Variants in LINGO2 observed in about 807,000 individuals in gnomAD.
LINGO2 encodes leucine-rich repeat and immunoglobulin-like domain-containing nogo receptor-interacting protein 2.
In LINGO2, 14 loss-of-function variants were observed where a neutral mutation model predicts 30.6. The observed-to-expected ratio is 0.46, with a 90% CI of 0.30 to 0.72. The LOEUF is 0.72. Among genes scored for constraint, LINGO2 ranks in the 30% least tolerant of loss-of-function variants. The pLI is 0.07. For synonymous variants in LINGO2, 317 were observed against 288.5 expected (o/e 1.10, Z -1.00); for missense variants, 729 against 751.7 (o/e 0.97, Z 0.35).
chr9:28,172,961 A>G (rs1445593655), intron 4 of LINGO2, among the ~76,000 whole-genome samples: 1 of 152,180 alleles, frequency 6.6e-6, no homozygotes, highest in African/African-American at 2.4e-5. Context: ...CAGTATATGT[A>G]ATTACAAACT....
the LINGO2 span, among the ~76,000 whole-genome samples, chr9:29,014,551 T>C: frequency 1.3e-5 from 2 of 152,168 alleles, no homozygotes; most frequent in Non-Finnish European, 2.9e-5. Flanking sequence ...TAAAGGGCCA[T>C]ATTTTTACAA....
At chr9:28,690,231 T>A in the LINGO2 span, among the ~76,000 whole-genome samples, 10,556 of 151,826 alleles carry the variant, frequency 0.07, 519 homozygotes, top group Admixed American at 0.19. Context: ...GAAGTTAAAA[T>A]AAAAGTTGGA....
the LINGO2 span, among the ~76,000 whole-genome samples, chr9:28,742,163 C>T: frequency 6.6e-6 from 1 of 151,906 alleles, no homozygotes; most frequent in East Asian, 1.9e-4. Flanking sequence ...CTAATGCTCA[C>T]TTATCTCTCC....
intron 2 of LINGO2, among the ~76,000 whole-genome samples, chr9:28,444,039 A>G (rs957928403): frequency 1.3e-4 from 20 of 152,078 alleles, no homozygotes; most frequent in Admixed American, 5.9e-4. Flanking sequence ...CCAGACTCAG[A>G]CTGCCTGTGG....
chr9:28,312,155 C>CTTTCTTT (rs1554703781), intron 3 of LINGO2, among the ~76,000 whole-genome samples: 1 of 143,262 alleles, frequency 7.0e-6, no homozygotes, highest in Non-Finnish European at 1.5e-5. Flanking sequence ...TTTCTTTTTT[C>CTTTCTTT]TTTTTTTTGT....
chr9:28,647,281 C>G (rs1220982653), intron 1 of LINGO2, among the ~76,000 whole-genome samples: 1 of 152,046 alleles, frequency 6.6e-6, no homozygotes, highest in East Asian at 1.9e-4. Context: ...CCCATAATAA[C>G]TTATTATGAC....
intron 1 of LINGO2, among the ~76,000 whole-genome samples, chr9:28,584,438 T>G (rs1054236332): frequency 2.6e-5 from 4 of 152,036 alleles, no homozygotes; most frequent in Non-Finnish European, 4.4e-5. Context: ...GAGCAAAACC[T>G]AATTATTTCA....
intron 4 of LINGO2, among the ~76,000 whole-genome samples, chr9:28,070,063 C>T (rs888137144): frequency 1.3e-5 from 2 of 152,178 alleles, no homozygotes; most frequent in African/African-American, 4.8e-5. Flanking sequence ...TTTAATGTCA[C>T]ACAGCGCTCT....
intron 3 of LINGO2, among the ~76,000 whole-genome samples, chr9:28,339,138 T>C (rs1441908531): frequency 1.3e-5 from 2 of 152,190 alleles, no homozygotes; most frequent in Non-Finnish European, 2.9e-5. Flanking sequence ...TGTCCTTATA[T>C]GTCCTTTTGC....
chr9:28,637,505 G>C (rs1212192041), intron 1 of LINGO2, among the ~76,000 whole-genome samples: 1 of 152,104 alleles, frequency 6.6e-6, no homozygotes, highest in Non-Finnish European at 1.5e-5. Flanking sequence ...GTTGAGCAGT[G>C]TTTTGTAATT....
chr9:28,044,002 G>C lies in LINGO2; in HGVS notation c.-86-31597C>G, dbSNP rs1192331529. On this transcript the variant is annotated intron_variant, in intron 4 of 5. Transcript: ENST00000379992. ...TTAATCTATGTGTTTTCCCCATTTGGTTTGGAGTATTCTTCGAATGTGAAG... is the reference window on the plus strand; with the variant it reads ...TTAATCTATGTGTTTTCCCCATTTGCTTTGGAGTATTCTTCGAATGTGAAG... Among the ~76,000 whole-genome samples, 7 of 152,258 alleles carry C rather than the reference G, an allele frequency of 4.6e-5. No individual in the cohort carries two copies. The East Asian group carries it at 1.4e-3, about 29-fold the overall frequency.
intron 4 of LINGO2, among the ~76,000 whole-genome samples, chr9:28,189,485 A>G (rs375953714): frequency 0.012 from 117 of 10,030 alleles, no homozygotes; most frequent in Admixed American, 0.017. Flanking sequence ...GGGAGGGAGG[A>G]AGGAAGGAAG....
intron 4 of LINGO2, among the ~76,000 whole-genome samples, chr9:28,264,257 G>A (rs1007153867): frequency 6.6e-6 from 1 of 151,916 alleles, no homozygotes; most frequent in African/African-American, 2.4e-5. Context: ...CTGCCAAATA[G>A]TGACAATGGT....
At chr9:28,221,089 G>A (rs1023072843) in intron 4 of LINGO2, among the ~76,000 whole-genome samples, 2 of 152,028 alleles carry the variant, frequency 1.3e-5, no homozygotes, top group African/African-American at 4.8e-5. Context: ...CACGAGGTCA[G>A]GAGATCGAAA....
chr9:28,949,291 ACCC>A, the LINGO2 span, among the ~76,000 whole-genome samples: 1 of 151,968 alleles, frequency 6.6e-6, no homozygotes, highest in African/African-American at 2.4e-5. Flanking sequence ...GACACGAAAA[ACCC>A]CTCAAAAATC....
the LINGO2 span, among the ~76,000 whole-genome samples, chr9:28,788,818 A>G: frequency 9.2e-5 from 14 of 152,124 alleles, no homozygotes; most frequent in Admixed American, 4.6e-4. Context: ...CTCCCTTGAC[A>G]TGGGATTGTG....
In LINGO2 at chr9:28,567,623, T is replaced by C. The variant is rs140193922; in HGVS notation, c.-364-91598A>G. 1.9e-3 allele frequency among the ~76,000 whole-genome samples: 292 copies of C among 152,110 alleles called. 2 individuals carry two copies. The highest frequency in any genetic ancestry group is 6.7e-3 in the African/African-American group (280 of 41,520). ...GTACACATGGACATAAAGATGTAAATAATAGACACTGGGGACTCCAAAAGT... is the reference window on the plus strand; with the variant it reads ...GTACACATGGACATAAAGATGTAAACAATAGACACTGGGGACTCCAAAAGT... On this transcript the variant is annotated intron_variant, in intron 1 of 5. Coordinates refer to ENST00000379992, the Ensembl canonical transcript of LINGO2.
At chr9:29,120,084 T>A in the LINGO2 span, among the ~76,000 whole-genome samples, 751 of 152,180 alleles carry the variant, frequency 4.9e-3, 6 homozygotes, top group African/African-American at 0.017. Context: ...GAATTTGTCA[T>A]AGGTAGAAAA....
chr9:29,036,564 T>G, the LINGO2 span, among the ~76,000 whole-genome samples: 1 of 152,066 alleles, frequency 6.6e-6, no homozygotes, highest in Non-Finnish European at 1.5e-5. Flanking sequence ...AAAGACCTAC[T>G]GCATGTAATA....
Sources: gnomAD v4.1 joint callset for allele counts (sites outside exome capture counted in the v4.1 genomes callset) on GRCh38, gnomAD v4.1.1 for gene constraint, MANE v1.5 for transcripts, NCBI Gene and HGNC (gene_info 2026-07-23, HGNC 2026-07-21) for gene names.